STPG2: variants seen among roughly 807,000 people sequenced by gnomAD.
STPG2 encodes the protein sperm-tail PG-rich repeat-containing protein 2.
A neutral mutation model predicts 54.2 loss-of-function variants in STPG2; 56 were observed. The observed-to-expected ratio is 1.03, with a 90% CI of 0.83 to 1.29. The LOEUF is 1.29. Among genes scored for constraint, STPG2 ranks in the 50% most tolerant of loss-of-function variants. STPG2 has a pLI of 0.00. For missense variants in STPG2, 596 were observed against 544.9 expected, an observed-to-expected ratio of 1.09 and a Z score of -0.93; for synonymous variants, 200 against 181.8, an observed-to-expected ratio of 1.10 and a Z score of -0.81.
At chr4:97,917,643 G>T (rs1731934113) in intron 8 of STPG2, among the ~76,000 whole-genome samples, 1 of 152,084 alleles carries the variant, frequency 6.6e-6, no homozygotes, top group Admixed American at 6.5e-5. Flanking sequence ...AATATATTCA[G>T]GTAAAAATAT....
rs57563048 is a variant in STPG2 at position 97,456,891 on chromosome 4, C to CAAAAAAA, written c.462+255801_462+255807dup. ...GCCTGGGTAACAGAGTGCTCCGTCT[C>CAAAAAAA]AAAAAAAAAAAAAAGAAAATTAAAA... On this transcript the variant is annotated intron_variant, in intron 4 of 4. Coordinates refer to the STPG2 transcript ENST00000522676. Among the ~76,000 whole-genome samples, 57 of 48,890 alleles carry CAAAAAAA rather than the reference C, an allele frequency of 1.2e-3. 2 individuals carry two copies. Among genetic ancestry groups the CAAAAAAA allele is most frequent in the African/African-American group, 6.1e-3 (53 of 8,718 alleles). 32.1% of individuals were successfully genotyped at this position (48,890 alleles called of 152,430 possible). A position where few individuals can be genotyped will look rare whatever the true frequency, so the allele number is the denominator to read the frequency against.
intron 10 of STPG2, among the ~76,000 whole-genome samples, chr4:97,613,335 G>A (rs935638689): frequency 6.6e-6 from 1 of 152,042 alleles, no homozygotes; most frequent in African/African-American, 2.4e-5. Context: ...GCGTGATTGT[G>A]TGATGTTCTT....
chr4:97,742,549 G>GTATATA (rs1725284779), intron 9 of STPG2, among the ~76,000 whole-genome samples: 1 of 143,304 alleles, frequency 7.0e-6, no homozygotes, highest in Non-Finnish European at 1.5e-5. Flanking sequence ...GTGTGTGTGT[G>GTATATA]TGTGTGTGTG....
chr4:97,586,052 G>C (rs1732990309), intron 10 of STPG2, among the ~76,000 whole-genome samples: 1 of 151,862 alleles, frequency 6.6e-6, no homozygotes, highest in Admixed American at 6.6e-5. Flanking sequence ...AGGATTTTAA[G>C]AGACCCATCA....
chr4:97,905,597 C>T (rs1731378664), intron 8 of STPG2, among the ~76,000 whole-genome samples: 1 of 151,778 alleles, frequency 6.6e-6, no homozygotes, highest in Non-Finnish European at 1.5e-5. Flanking sequence ...ATCAAATTCA[C>T]ACATAACAAT....
intron 4 of STPG2, among the ~76,000 whole-genome samples, chr4:97,465,491 CTATTA>C (rs1729766355): frequency 2.6e-5 from 4 of 151,866 alleles, no homozygotes; most frequent in Admixed American, 2.6e-4. Context: ...CTTCTGTGTT[CTATTA>C]TATCATTTGT....
intron 5 of STPG2, among the ~76,000 whole-genome samples, chr4:98,068,154 G>A (rs1737890914): frequency 6.6e-6 from 1 of 151,994 alleles, no homozygotes; most frequent in Non-Finnish European, 1.5e-5. Context: ...GCCACCACAG[G>A]GCCTTTGATG....
intron 9 of STPG2, among the ~76,000 whole-genome samples, chr4:97,728,298 A>G (rs1724683339): frequency 6.6e-6 from 1 of 152,078 alleles, no homozygotes; most frequent in Non-Finnish European, 1.5e-5. Context: ...GCAAATATTG[A>G]TAACCAAAGA....
At chr4:97,535,297 C>A (rs573906312) in intron 4 of STPG2, among the ~76,000 whole-genome samples, 4 of 152,144 alleles carry the variant, frequency 2.6e-5, no homozygotes, top group Admixed American at 2.0e-4. Flanking sequence ...GTACCACCAC[C>A]AAGTTTGTTG....
At chr4:97,482,293 T>G (rs1209160981) in intron 4 of STPG2, among the ~76,000 whole-genome samples, 1 of 151,432 alleles carries the variant, frequency 6.6e-6, no homozygotes, top group Non-Finnish European at 1.5e-5. Context: ...CTTGTTTTCT[T>G]TAATTAATAG....
At chr4:97,530,117 T>C (rs1231327457) in intron 4 of STPG2, among the ~76,000 whole-genome samples, 1 of 152,176 alleles carries the variant, frequency 6.6e-6, no homozygotes, top group Non-Finnish European at 1.5e-5. Flanking sequence ...TTTTACAATA[T>C]TCCAATGTGA....
chr4:97,619,470 A>G (rs1201098121), intron 10 of STPG2, among the ~76,000 whole-genome samples: 2 of 151,376 alleles, frequency 1.3e-5, no homozygotes, highest in Non-Finnish European at 2.9e-5. Flanking sequence ...GAGAACTATT[A>G]TATGTTTTGA....
chr4:98,081,991 TTAAG>T (rs1738356865), intron 5 of STPG2, among the ~76,000 whole-genome samples: 1 of 152,164 alleles, frequency 6.6e-6, no homozygotes, highest in Non-Finnish European at 1.5e-5. Context: ...AATACAATAA[TTAAG>T]TATTAAGAAC....
intron 4 of STPG2, among the ~76,000 whole-genome samples, chr4:97,547,136 G>C (rs962987796): frequency 6.6e-6 from 1 of 152,036 alleles, no homozygotes; most frequent in Non-Finnish European, 1.5e-5. Flanking sequence ...AGGGTAAAAG[G>C]GCTAGAGAGA....
chr4:97,741,130 T>A (rs1295161304), intron 9 of STPG2, among the ~76,000 whole-genome samples: 1 of 152,182 alleles, frequency 6.6e-6, no homozygotes, highest in Non-Finnish European at 1.5e-5. Context: ...CCCTATTTAA[T>A]AAATGCTGCT....
chr4:97,918,497 G>C (rs1731970846), intron 8 of STPG2, among the ~76,000 whole-genome samples: 1 of 151,694 alleles, frequency 6.6e-6, no homozygotes, highest in Admixed American at 6.6e-5. Context: ...CTGATCCATA[G>C]GTCCATGCTG....
intron 8 of STPG2, chr4:97,917,520 A>G (rs1281226708): frequency 6.6e-6 from 1 of 152,264 alleles, no homozygotes; most frequent in Non-Finnish European, 1.5e-5. Context: ...TTTCATTTTT[A>G]TGTAAGAACA....
At chr4:97,739,034 A>C (rs1218136616) in intron 9 of STPG2, among the ~76,000 whole-genome samples, 1 of 151,882 alleles carries the variant, frequency 6.6e-6, no homozygotes, top group African/African-American at 2.4e-5. Context: ...CAGTGCAATC[A>C]AACTAGAACT....
intron 9 of STPG2, among the ~76,000 whole-genome samples, chr4:97,788,294 T>C (rs901516076): frequency 5.9e-5 from 9 of 152,076 alleles, no homozygotes; most frequent in African/African-American, 1.9e-4. Flanking sequence ...TGTTTTAATG[T>C]TTAGCTCCCA....
Sources: allele counts gnomAD v4.1 joint callset (sites outside exome capture counted in the v4.1 genomes callset), GRCh38; gene constraint gnomAD v4.1.1; transcripts MANE v1.5; gene names NCBI Gene and HGNC (gene_info 2026-07-23, HGNC 2026-07-21).